Variants in NKAIN3 observed in about 807,000 individuals in gnomAD.
The protein encoded by NKAIN3 is sodium/potassium transporting ATPase interacting 3, also known as sodium/potassium-transporting ATPase subunit beta-1-interacting protein 3.
A neutral mutation model predicts 30.2 loss-of-function variants in NKAIN3; 25 were observed. The observed-to-expected ratio is 0.83, with a 90% CI of 0.60 to 1.16. NKAIN3 has a LOEUF of 1.16. NKAIN3 is among the 50% of genes most tolerant of loss of function. The pLI is 0.00. For synonymous variants in NKAIN3, 91 were observed against 89.6 expected, an observed-to-expected ratio of 1.02 and a Z score of -0.09; for missense variants, 225 against 254.1, an observed-to-expected ratio of 0.89 and a Z score of 0.78.
At chr8:62,954,413 G>A (rs796098745) in intron 6 of NKAIN3, among the ~76,000 whole-genome samples, 1 of 152,104 alleles carries the variant, frequency 6.6e-6, no homozygotes, top group Non-Finnish European at 1.5e-5. Flanking sequence ...TCACAGGGGG[G>A]AAATAGATTA....
intron 1 of NKAIN3, among the ~76,000 whole-genome samples, chr8:62,485,921 C>T (rs971215040): frequency 1.1e-4 from 17 of 151,906 alleles, no homozygotes; most frequent in African/African-American, 3.4e-4. Context: ...AGGAATGGGG[C>T]GGGGCTGAGT....
At position 62,394,774 on chromosome 8, in the gene NKAIN3, T is replaced by C. The variant is rs76798530; in HGVS notation, c.54+145647T>C. On this transcript the variant is annotated intron_variant, in intron 1 of 6. Transcript: ENST00000623646. ...GCTGGGCAGAGGCGCTCATCACTTC[T>C]CAGATGGTGGGGCGGCCAAGCAGAG... Among the ~76,000 whole-genome samples the C allele has an allele frequency of 6.2e-3, 836 of 135,710 alleles. 4 individuals are homozygous for C. The highest frequency in any genetic ancestry group is 0.016 in the Middle Eastern group (3 of 188). The allele number at this position is 135,710 out of a possible 152,430, so 89.0% of individuals were successfully genotyped here.
At chr8:62,791,925 T>C (rs1050524231) in intron 4 of NKAIN3, among the ~76,000 whole-genome samples, 1 of 152,164 alleles carries the variant, frequency 6.6e-6, no homozygotes, top group Admixed American at 6.6e-5. Flanking sequence ...AAATTGTATA[T>C]ATTCAAGGTG....
chr8:62,774,575 G>T lies in NKAIN3; in HGVS notation c.471+27446G>T, dbSNP rs184194563. On this transcript the variant is annotated intron_variant, in intron 4 of 6. Coordinates refer to ENST00000623646, the MANE Select transcript of NKAIN3 (RefSeq NM_001304533.3). ...TATGACTTTTCTTGTGTTGTGATATGTTCCTTCTTTACTCAGTTTTTTTAG... is the reference window on the plus strand; with the variant it reads ...TATGACTTTTCTTGTGTTGTGATATTTTCCTTCTTTACTCAGTTTTTTTAG... Among the ~76,000 whole-genome samples, 716 of 152,202 alleles carry T rather than the reference G, an allele frequency of 4.7e-3. 4 individuals carry two copies. The highest frequency in any genetic ancestry group is 9.7e-3 in the South Asian group (47 of 4,832).
At chr8:62,634,464 A>G (rs146881890) in intron 3 of NKAIN3, among the ~76,000 whole-genome samples, 2 of 152,298 alleles carry the variant, frequency 1.3e-5, no homozygotes, top group African/African-American at 4.8e-5. Flanking sequence ...AACCAATTAA[A>G]GGCTTCTTCC....
rs969317891 is a variant in NKAIN3 at position 62,953,987 on chromosome 8, G to A, written c.603+15G>A. ...CTGTTAAACCAGTAAGTAAAGGTGT[G>A]ATGATATGGAAAATATTAATCCTTC... On this transcript the variant is annotated intron_variant, in intron 6 of 6. Transcript: ENST00000623646. 2.2e-6 allele frequency: 2 copies of A among 921,086 alleles called. No individual in the cohort carries two copies. The highest frequency in any genetic ancestry group is 2.6e-6 in the Non-Finnish European group (2 of 771,164). The allele number at this position is 921,086 out of a possible 1,614,324, so 57.1% of individuals were successfully genotyped here. A position where few individuals can be genotyped will look rare whatever the true frequency, so the allele number is the denominator to read the frequency against.
chr8:62,452,290 A>G (rs1223385147), intron 1 of NKAIN3, among the ~76,000 whole-genome samples: 1 of 152,138 alleles, frequency 6.6e-6, no homozygotes, highest in Non-Finnish European at 1.5e-5. Flanking sequence ...AGCCTGGCCA[A>G]CATAGCGAAA....
chr8:62,549,391 T>C (rs1220709036), intron 1 of NKAIN3, among the ~76,000 whole-genome samples: 1 of 152,002 alleles, frequency 6.6e-6, no homozygotes, highest in South Asian at 2.1e-4. Context: ...TAATTTAAAA[T>C]TTTTTTTTCC....
chr8:62,438,315 C>G (rs934199966), intron 1 of NKAIN3, among the ~76,000 whole-genome samples: 1 of 152,174 alleles, frequency 6.6e-6, no homozygotes, highest in South Asian at 2.1e-4. Flanking sequence ...TTTGCTTTCT[C>G]TTTGTTTATA....
At chr8:62,876,575 G>T (rs1408392534) in intron 4 of NKAIN3, among the ~76,000 whole-genome samples, 1 of 152,084 alleles carries the variant, frequency 6.6e-6, no homozygotes, top group African/African-American at 2.4e-5. Flanking sequence ...AATGCCCATC[G>T]ATGATAGACT....
Position 62,971,179 on chromosome 8 carries a change from A to G in NKAIN3, c.*5772A>G, listed in dbSNP as rs1585634315. Among the ~76,000 whole-genome samples the G allele has an allele frequency of 6.6e-6, 1 of 152,124 alleles. No individual in the cohort carries two copies. The highest frequency in any genetic ancestry group is 1.9e-4 in the East Asian group (1 of 5,190). On this transcript the variant is annotated 3_prime_UTR_variant, in exon 7 of 7. Transcript: ENST00000623646. ...TTGTATTCTGGCCTTGGAGGTGGAG[A>G]AGGAACAAAAGGAATGTTTCTTTCC... is the stretch of plus-strand genomic sequence containing the variant.
chr8:62,895,874 C>G (rs922215440), intron 4 of NKAIN3, among the ~76,000 whole-genome samples: 1 of 152,240 alleles, frequency 6.6e-6, no homozygotes, highest in South Asian at 2.1e-4. Flanking sequence ...TCTTACGGAG[C>G]TGTCCTTGCT....
At chr8:62,767,722 G>A (rs1299658205) in intron 4 of NKAIN3, among the ~76,000 whole-genome samples, 1 of 151,766 alleles carries the variant, frequency 6.6e-6, no homozygotes, top group African/African-American at 2.4e-5. Context: ...CACAACGCAG[G>A]AACATCATCT....
At chr8:62,430,621 G>A (rs924903060) in intron 1 of NKAIN3, among the ~76,000 whole-genome samples, 1 of 149,724 alleles carries the variant, frequency 6.7e-6, no homozygotes, top group Non-Finnish European at 1.5e-5. Context: ...ATTCTTAAAG[G>A]AAGTCAAAAT....
intron 3 of NKAIN3, among the ~76,000 whole-genome samples, chr8:62,710,447 G>C (rs1375641347): frequency 6.6e-6 from 1 of 151,992 alleles, no homozygotes; most frequent in African/African-American, 2.4e-5. Context: ...TTTCCTGTTG[G>C]ACAAGGCCTT....
intron 3 of NKAIN3, among the ~76,000 whole-genome samples, chr8:62,648,956 T>C (rs183425442): frequency 7.2e-5 from 11 of 152,170 alleles, no homozygotes; most frequent in Non-Finnish European, 1.3e-4. Flanking sequence ...TTGTAAGTTA[T>C]GCAGTGATGT....
At chr8:62,723,498 TATTG>T (rs1261746102) in intron 3 of NKAIN3, among the ~76,000 whole-genome samples, 1 of 152,040 alleles carries the variant, frequency 6.6e-6, no homozygotes, top group African/African-American at 2.4e-5. Context: ...ATCAAATAAC[TATTG>T]ATTAACACAA....
chr8:62,709,200 T>G (rs1280820283), intron 3 of NKAIN3, among the ~76,000 whole-genome samples: 1 of 152,124 alleles, frequency 6.6e-6, no homozygotes, highest in Non-Finnish European at 1.5e-5. Flanking sequence ...GCTATGTCCT[T>G]TCCTAGATTC....
chr8:62,370,157 G>A lies in NKAIN3; in HGVS notation c.54+121030G>A, dbSNP rs866492171. On this transcript the variant is annotated intron_variant, in intron 1 of 6. Coordinates refer to ENST00000623646, the MANE Select transcript of NKAIN3 (RefSeq NM_001304533.3). ...ATTGAACTCAGAGAAATAGTATAAAGTATCTCTGTCAGCATTGAAATTGCT... is the reference window on the plus strand; with the variant it reads ...ATTGAACTCAGAGAAATAGTATAAAATATCTCTGTCAGCATTGAAATTGCT... Among the ~76,000 whole-genome samples the A allele has an allele frequency of 1.8e-4, 27 of 151,946 alleles. 1 individual carries two copies. Among genetic ancestry groups the A allele is most frequent in the Middle Eastern group, 6.3e-3 (2 of 316 alleles).
Sources: allele counts gnomAD v4.1 joint callset (sites outside exome capture counted in the v4.1 genomes callset), GRCh38; gene constraint gnomAD v4.1.1; transcripts MANE v1.5; gene names NCBI Gene and HGNC (gene_info 2026-07-23, HGNC 2026-07-21).